The following ISX variants were observed in gnomAD, a reference collection of about 807,000 sequenced individuals.
The protein encoded by ISX is intestine-specific homeobox.
Under a neutral mutation model 16.9 loss-of-function variants are expected in ISX, and 15 were observed. That is an observed-to-expected ratio of 0.89 (90% confidence interval 0.59 to 1.36). The LOEUF (loss-of-function observed/expected upper bound fraction) is 1.36, where lower values mean the gene tolerates loss of function less well. ISX is among the 40% of genes most tolerant of loss of function. ISX has a pLI of 0.00. For missense variants in ISX, 316 were observed against 306.1 expected (o/e 1.03, Z -0.24); for synonymous variants, 125 against 119.7 (o/e 1.04, Z -0.29).
chr22:35,085,849 C>A lies in ISX; in HGVS notation c.*156C>A. 1 of 857,770 alleles carries A rather than the reference C, an allele frequency of 1.2e-6. No homozygotes were observed. Among genetic ancestry groups the A allele is most frequent in the Non-Finnish European group, 1.8e-6 (1 of 551,300 alleles). The allele number at this position is 857,770 out of a possible 1,614,324, so 53.1% of individuals were successfully genotyped here. ...GAACATGCCAGTTGGAAGGCTGCAC[C>A]AGACTCAAAAGCAAACTAAACAATA... On this transcript the variant is annotated 3_prime_UTR_variant, in exon 5 of 5. Transcript: ENST00000404699.
At chr22:35,077,431 C>G (rs556324268) in intron 2 of ISX, among the ~76,000 whole-genome samples, 1 of 152,244 alleles carries the variant, frequency 6.6e-6, no homozygotes, top group East Asian at 1.9e-4. Flanking sequence ...TGAGCTGCCC[C>G]CTTGGACACT....
Position 35,086,321 on chromosome 22 carries a change from C to T in ISX, c.*628C>T, listed in dbSNP as rs1044397395. ...CCCAAGTCTAACACATTCTTTATGA[C>T]TGTGAGCATCTCAGAGTGAGAGAAA... On this transcript the variant is annotated 3_prime_UTR_variant, in exon 5 of 5. Transcript: ENST00000404699. 1 of 154,112 alleles carries T rather than the reference C, an allele frequency of 6.5e-6. No homozygotes were observed. The highest frequency in any genetic ancestry group is 2.4e-5 in the African/African-American group (1 of 41,460). 9.5% of individuals were successfully genotyped at this position (154,112 alleles called of 1,614,324 possible).
At position 35,086,857 on chromosome 22, in the gene ISX, T is replaced by G. The variant is rs1156261319; in HGVS notation, c.*1164T>G. On this transcript the variant is annotated 3_prime_UTR_variant, in exon 5 of 5. Coordinates refer to ENST00000404699, the MANE Select transcript of ISX (RefSeq NM_001303508.2). Reference sequence around the variant, plus strand: ...TGTCTCTGATTCTTGTCCTTGCAGGTGGAGGACAGGGCCTGCTCCCCTAAG... The same window carrying G: ...TGTCTCTGATTCTTGTCCTTGCAGGGGGAGGACAGGGCCTGCTCCCCTAAG... The G allele has an allele frequency of 6.6e-6, 1 of 152,230 alleles. No individual in the cohort carries two copies. Among genetic ancestry groups the G allele is most frequent in the Non-Finnish European group, 1.5e-5 (1 of 68,054 alleles). The allele number at this position is 152,230 out of a possible 1,614,324, so 9.4% of individuals were successfully genotyped here.
At chr22:35,081,108 G>A (rs1348922138) in intron 2 of ISX, among the ~76,000 whole-genome samples, 2 of 152,218 alleles carry the variant, frequency 1.3e-5, no homozygotes, top group Non-Finnish European at 2.9e-5. Flanking sequence ...AGATTACCCA[G>A]GGCTAGAAAG....
chr22:35,081,376 C>G (rs535069973), intron 2 of ISX, among the ~76,000 whole-genome samples: 1 of 152,198 alleles, frequency 6.6e-6, no homozygotes, highest in Non-Finnish European at 1.5e-5. Flanking sequence ...TGCAGATGCT[C>G]AGGACCCTGT....
rs557538715 is a variant in ISX at position 35,086,862 on chromosome 22, G to A, written c.*1169G>A. The A allele has an allele frequency of 1.1e-4, 17 of 152,340 alleles. No homozygotes were observed. In the East Asian group the frequency reaches 3.1e-3, roughly 28 times the overall value. The allele number at this position is 152,340 out of a possible 1,614,324, so 9.4% of individuals were successfully genotyped here. A position where few individuals can be genotyped will look rare whatever the true frequency, so the allele number is the denominator to read the frequency against. On this transcript the variant is annotated 3_prime_UTR_variant, in exon 5 of 5. Coordinates refer to ENST00000404699, the MANE Select transcript of ISX (RefSeq NM_001303508.2). ...CTGATTCTTGTCCTTGCAGGTGGAG[G>A]ACAGGGCCTGCTCCCCTAAGCTGGG...
At chr22:35,084,113 C>T (rs960937626) in intron 3 of ISX, among the ~76,000 whole-genome samples, 1 of 152,262 alleles carries the variant, frequency 6.6e-6, no homozygotes, top group Non-Finnish European at 1.5e-5. Context: ...CATTTTGGCT[C>T]TATTCACCAC....
rs1929255297 is a variant in ISX, at chr22:35,086,353, G to A, written c.*660G>A. On this transcript the variant is annotated 3_prime_UTR_variant, in exon 5 of 5. Transcript: ENST00000404699. ...CATCTCAGAGTGAGAGAAAAATGTA[G>A]AAAGTTTTTTAAATTCTAAACAGGA... The A allele has an allele frequency of 6.5e-6, 1 of 152,914 alleles. No individual in the cohort carries two copies. Among genetic ancestry groups the A allele is most frequent in the African/African-American group, 2.4e-5 (1 of 41,456 alleles). 9.5% of individuals were successfully genotyped at this position (152,914 alleles called of 1,614,324 possible).
intron 3 of ISX, among the ~76,000 whole-genome samples, chr22:35,084,091 G>A (rs1448389672): frequency 2.0e-5 from 3 of 152,240 alleles, no homozygotes; most frequent in African/African-American, 7.2e-5. Context: ...GACGGGAGCT[G>A]AGAAGCTGCC....
intron 2 of ISX, among the ~76,000 whole-genome samples, chr22:35,073,885 A>G (rs1928916807): frequency 1.3e-5 from 2 of 152,204 alleles, no homozygotes; most frequent in African/African-American, 4.8e-5. Flanking sequence ...CAAATTTTCG[A>G]CAGGAAAGTG....
At chr22:35,084,033 T>C (rs565030301) in intron 3 of ISX, among the ~76,000 whole-genome samples, 12 of 152,370 alleles carry the variant, frequency 7.9e-5, no homozygotes, top group Admixed American at 2.0e-4. Flanking sequence ...ACTTTGGAGA[T>C]TGCATGAACC....
rs755726408 is a variant in ISX, at chr22:35,067,064, A to G, written c.-24A>G. The stretch of plus-strand genomic sequence containing the variant: ...TCCACTGGCACCCTCCTTGGCCTAC[A>G]CAGAGTCACCCCTGAGCCCCTCAAT... On this transcript the variant is annotated 5_prime_UTR_variant, in exon 2 of 5. Coordinates refer to ENST00000404699, the MANE Select transcript of ISX (RefSeq NM_001303508.2). The G allele has an allele frequency of 1.2e-5, 19 of 1,593,448 alleles. No homozygotes were observed. In the East Asian group the frequency reaches 4.0e-4, roughly 34 times the overall value.
At chr22:35,084,588 G>C (rs545592778) in intron 4 of ISX, 89 bp downstream of exon 4, 248 of 803,958 alleles carry the variant, frequency 3.1e-4, no homozygotes, top group Admixed American at 1.3e-3. Context: ...GCACCTCGGG[G>C]GCTCTGTCTA....
At chr22:35,073,146 C>T (rs1459155043) in intron 2 of ISX, among the ~76,000 whole-genome samples, 1 of 152,168 alleles carries the variant, frequency 6.6e-6, no homozygotes, top group African/African-American at 2.4e-5. Flanking sequence ...TGAGAAATTA[C>T]ATCACATCAC....
chr22:35,083,092 G>C (rs1929161096), intron 3 of ISX, among the ~76,000 whole-genome samples: 1 of 152,192 alleles, frequency 6.6e-6, no homozygotes, highest in Admixed American at 6.5e-5. Context: ...GTTCAACCAG[G>C]CCAAGGTAGC....
At chr22:35,072,294 G>A (rs1928874886) in intron 2 of ISX, among the ~76,000 whole-genome samples, 1 of 151,444 alleles carries the variant, frequency 6.6e-6, no homozygotes, top group South Asian at 2.1e-4. Context: ...GTATTAGTGT[G>A]GGGTCCCCCA....
At position 35,086,110 on chromosome 22, in the gene ISX, G is replaced by C. The variant is rs1392704064; in HGVS notation, c.*417G>C. 8 of 282,256 alleles carry C rather than the reference G, an allele frequency of 2.8e-5. No homozygotes were observed. In the East Asian group the frequency reaches 4.5e-4, roughly 16 times the overall value. 17.5% of individuals were successfully genotyped at this position (282,256 alleles called of 1,614,324 possible). On this transcript the variant is annotated 3_prime_UTR_variant, in exon 5 of 5. Coordinates refer to ENST00000404699, the MANE Select transcript of ISX (RefSeq NM_001303508.2). ...CTTCCATGGTGGGCACTGAGGCACA[G>C]AGGAGGCCAAGGAGAGGTTGTTTGT...
Position 35,083,936 on chromosome 22 carries a change from T to G in ISX, c.382-447T>G, listed in dbSNP as rs5999703. 1.8e-3 allele frequency among the ~76,000 whole-genome samples: 276 copies of G among 152,304 alleles called. 3 individuals are homozygous for G. Among genetic ancestry groups the G allele is most frequent in the African/African-American group, 6.3e-3 (260 of 41,578 alleles). ...AGAGGCCCCAGGGGTTGAAAAGGGG[T>G]GGCCCACTGATGACCCACACATGAC... On this transcript the variant is annotated intron_variant, in intron 3 of 4. Transcript: ENST00000404699.
intron 2 of ISX, among the ~76,000 whole-genome samples, chr22:35,070,704 T>A (rs1395712939): frequency 3.3e-5 from 5 of 152,212 alleles, no homozygotes; most frequent in Non-Finnish European, 7.3e-5. Flanking sequence ...ACTACTCACC[T>A]GGAGGGGGAT....
Sources: allele counts gnomAD v4.1 joint callset (sites outside exome capture counted in the v4.1 genomes callset), GRCh38; gene constraint gnomAD v4.1.1; transcripts MANE v1.5; gene names NCBI Gene and HGNC (gene_info 2026-07-23, HGNC 2026-07-21).